Variants in DAB1 observed in about 807,000 individuals in gnomAD.
DAB1 encodes disabled homolog 1.
Under a neutral mutation model 64.6 loss-of-function variants are expected in DAB1, and 15 were observed. The observed-to-expected ratio is 0.23, with a 90% CI of 0.16 to 0.36. The LOEUF is 0.36. Ranked by LOEUF, DAB1 falls within the 10% of genes least tolerant of loss-of-function variation. The probability of loss-of-function intolerance (pLI) is 1.00; values close to 1 mark genes in which losing one functional copy is unlikely to be tolerated. For missense variants in DAB1, 596 were observed against 706.7 expected, an observed-to-expected ratio of 0.84 and a Z score of 1.78; for synonymous variants, 235 against 251.9, an observed-to-expected ratio of 0.93 and a Z score of 0.64.
At chr1:57,594,337 C>T (rs1645480797) in intron 7 of DAB1, among the ~76,000 whole-genome samples, 1 of 152,166 alleles carries the variant, frequency 6.6e-6, no homozygotes, top group Non-Finnish European at 1.5e-5. Context: ...AAAAGAATCA[C>T]GGATTTGAGA....
intron 7 of DAB1, among the ~76,000 whole-genome samples, chr1:57,540,435 C>T (rs1300524161): frequency 2.0e-5 from 3 of 152,184 alleles, no homozygotes; most frequent in Non-Finnish European, 4.4e-5. Flanking sequence ...ATCCAGCAAT[C>T]CCATGACTCG....
intron 5 of DAB1, among the ~76,000 whole-genome samples, chr1:58,139,627 G>A (rs1222598077): frequency 6.6e-6 from 1 of 151,750 alleles, no homozygotes; most frequent in Non-Finnish European, 1.5e-5. Flanking sequence ...AATTTAAGGT[G>A]AGATTTGGGT....
chr1:57,585,355 C>A (rs1370020011), intron 7 of DAB1, among the ~76,000 whole-genome samples: 1 of 150,734 alleles, frequency 6.6e-6, no homozygotes, highest in African/African-American at 2.4e-5. Flanking sequence ...AAAGATTATA[C>A]CACTGTACTG....
intron 1 of DAB1, among the ~76,000 whole-genome samples, chr1:57,836,518 G>A (rs1652815868): frequency 6.6e-6 from 1 of 152,168 alleles, no homozygotes; most frequent in African/African-American, 2.4e-5. Context: ...CACTCTTTCG[G>A]AGATGAGGGA....
intron 3 of DAB1, among the ~76,000 whole-genome samples, chr1:58,432,578 C>T (rs1437557270): frequency 1.3e-5 from 2 of 152,190 alleles, no homozygotes. Flanking sequence ...CTGTACTTAT[C>T]TGGTCATAGA....
At chr1:57,472,900 CA>C (rs1364590000) in intron 7 of DAB1, among the ~76,000 whole-genome samples, 27 of 152,100 alleles carry the variant, frequency 1.8e-4, no homozygotes, top group Admixed American at 1.8e-3. Flanking sequence ...GATTCTGCAG[CA>C]AAAAATGCAC....
At chr1:57,919,226 C>T (rs1013245182) in intron 5 of DAB1, among the ~76,000 whole-genome samples, 2 of 152,150 alleles carry the variant, frequency 1.3e-5, no homozygotes, top group Non-Finnish European at 2.9e-5. Context: ...TCATAATACA[C>T]CTAACACAGA....
chr1:57,589,403 A>G (rs1033473694), intron 7 of DAB1, among the ~76,000 whole-genome samples: 34 of 152,238 alleles, frequency 2.2e-4, no homozygotes, highest in African/African-American at 7.9e-4. Context: ...ATTTTTTTAT[A>G]TGTAAATGAT....
chr1:58,164,941 T>G (rs1655747176), intron 4 of DAB1, among the ~76,000 whole-genome samples: 1 of 152,116 alleles, frequency 6.6e-6, no homozygotes, highest in Non-Finnish European at 1.5e-5. Flanking sequence ...GGCTAACATT[T>G]AAAAAAATGT....
At chr1:58,061,734 G>A (rs559153882) in intron 5 of DAB1, among the ~76,000 whole-genome samples, 1 of 151,966 alleles carries the variant, frequency 6.6e-6, no homozygotes, top group South Asian at 2.1e-4. Flanking sequence ...CTTCTCAGTA[G>A]AGTGAGGGTA....
At chr1:57,954,120 T>A (rs11589757) in intron 5 of DAB1, among the ~76,000 whole-genome samples, 58,469 of 152,034 alleles carry the variant, frequency 0.38, 12,777 homozygotes, top group Admixed American at 0.5. Context: ...GGATGAGGGG[T>A]GTCCATCCTA....
intron 4 of DAB1, among the ~76,000 whole-genome samples, chr1:57,124,704 G>A (rs1656975984): frequency 2.0e-5 from 3 of 152,060 alleles, no homozygotes; most frequent in South Asian, 4.2e-4. Context: ...AGTCTGGCAG[G>A]TAAATCCCTG....
At chr1:58,305,238 A>C (rs1326245585) in intron 4 of DAB1, among the ~76,000 whole-genome samples, 1 of 152,206 alleles carries the variant, frequency 6.6e-6, no homozygotes, top group Non-Finnish European at 1.5e-5. Flanking sequence ...TGCAAAAAAT[A>C]AGTGTTCTTT....
intron 5 of DAB1, among the ~76,000 whole-genome samples, chr1:57,890,392 T>C (rs1047568311): frequency 1.3e-5 from 2 of 152,010 alleles, no homozygotes; most frequent in Non-Finnish European, 2.9e-5. Flanking sequence ...CTTTCATACC[T>C]CCATGCTGTC....
intron 1 of DAB1, among the ~76,000 whole-genome samples, chr1:57,416,502 T>A (rs548695116): frequency 2.0e-5 from 3 of 152,312 alleles, no homozygotes; most frequent in Non-Finnish European, 2.9e-5. Context: ...CTCTAGTGAA[T>A]CGACTGTTTT....
chr1:57,242,222 CT>C (rs1668546403), intron 2 of DAB1, among the ~76,000 whole-genome samples: 1 of 152,174 alleles, frequency 6.6e-6, no homozygotes, highest in Admixed American at 6.5e-5. Flanking sequence ...TTACCCTGAA[CT>C]TTTTCTAAGA....
At chr1:58,024,167 G>A (rs752151847) in intron 5 of DAB1, among the ~76,000 whole-genome samples, 15 of 152,142 alleles carry the variant, frequency 9.9e-5, no homozygotes, top group Non-Finnish European at 1.5e-4. Flanking sequence ...TTTAGATATA[G>A]CAATAGATAT....
intron 7 of DAB1, among the ~76,000 whole-genome samples, chr1:57,515,118 AAAAAGAAAAG>A (rs147543726): frequency 1.3e-4 from 19 of 151,782 alleles, no homozygotes; most frequent in East Asian, 5.8e-4. Flanking sequence ...GAAAGAAAGA[AAAAAGAAAAG>A]AAAAGAAAAG....
At chr1:57,001,848 G>A (rs1645881089) in intron 14 of DAB1, among the ~76,000 whole-genome samples, 1 of 152,128 alleles carries the variant, frequency 6.6e-6, no homozygotes, top group Admixed American at 6.5e-5. Flanking sequence ...GACTCTGCAG[G>A]TGACACGAGC....
Sources: gnomAD v4.1 joint callset for allele counts (sites outside exome capture counted in the v4.1 genomes callset) on GRCh38, gnomAD v4.1.1 for gene constraint, MANE v1.5 for transcripts, NCBI Gene and HGNC (gene_info 2026-07-23, HGNC 2026-07-21) for gene names.